Variants in KLF13 observed in about 807,000 individuals in gnomAD.
KLF13 encodes the protein KLF transcription factor 13, also known as Krueppel-like factor 13.
A neutral mutation model predicts 16.7 loss-of-function variants in KLF13; 8 were observed. The observed-to-expected ratio is 0.48, with a 90% CI of 0.28 to 0.87. The LOEUF (loss-of-function observed/expected upper bound fraction) is 0.87. KLF13 is among the 40% of genes least tolerant of loss of function. The probability of loss-of-function intolerance (pLI) is 0.10; values close to 1 mark genes in which losing one functional copy is unlikely to be tolerated. For synonymous variants in KLF13, 245 were observed against 208.4 expected (o/e 1.18, Z -1.51); for missense variants, 447 against 452.2 (o/e 0.99, Z 0.10).
In KLF13 at chr15:31,327,546, G is replaced by C. The variant is rs1316043214; in HGVS notation, c.334G>C (p.Gly112Arg). Residue 112 changes from glycine to arginine, a missense_variant, in exon 1 of 2, where the codon GGC becomes CGC. Transcript: ENST00000307145. ...CGAGCCCACCTCCCCCGGCGCCGAAGGCGCGGCGGCCGCGCCCCCCAGCCC... is the reference window on the plus strand; with the variant it reads ...CGAGCCCACCTCCCCCGGCGCCGAACGCGCGGCGGCCGCGCCCCCCAGCCC... ...APEPTSPGAE[G>R]AAAAPPSPAW... The C allele has an allele frequency of 1.3e-5, 14 of 1,110,222 alleles. No individual in the cohort carries two copies. Among genetic ancestry groups the C allele is most frequent in the Non-Finnish European group, 1.3e-5 (12 of 909,702 alleles). 68.8% of individuals were successfully genotyped at this position (1,110,222 alleles called of 1,614,324 possible).
At chr15:31,371,893 G>C in intron 1 of KLF13, 117 bp from the exon 2 acceptor site, 1 of 1,137,900 alleles carries the variant, frequency 8.8e-7, no homozygotes, top group Non-Finnish European at 1.2e-6. Context: ...CTTGGAGGTG[G>C]GGCATGTGGG....
intron 1 of KLF13, chr15:31,420,182 A>T (rs2040304621): frequency 1.8e-6 from 1 of 561,702 alleles, no homozygotes; most frequent in Non-Finnish European, 3.4e-6. Flanking sequence ...CACCCATAAA[A>T]GAGCCGAGCT....
chr15:31,328,657 ACCGCCCGCCC>A (rs2038767430), intron 1 of KLF13, among the ~76,000 whole-genome samples: 1 of 138,104 alleles, frequency 7.2e-6, no homozygotes, highest in Non-Finnish European at 1.6e-5. Flanking sequence ...CCTGGGGATC[ACCGCCCGCCC>A]CCGCCAGCCC....
chr15:31,413,290 G>T (rs2040219008), intron 1 of KLF13, among the ~76,000 whole-genome samples: 1 of 150,470 alleles, frequency 6.6e-6, no homozygotes, highest in South Asian at 2.1e-4. Context: ...AAGGAGAGGA[G>T]AGAAAGGAGA....
downstream of KLF13, among the ~76,000 whole-genome samples, chr15:31,408,366 C>T (rs1038771937): frequency 6.6e-6 from 1 of 152,176 alleles, no homozygotes; most frequent in African/African-American, 2.4e-5. Context: ...CCCTATCCCT[C>T]CCTTGTCCCT....
At chr15:31,371,514 T>C (rs1361036155) in intron 1 of KLF13, among the ~76,000 whole-genome samples, 1 of 152,236 alleles carries the variant, frequency 6.6e-6, no homozygotes, top group Non-Finnish European at 1.5e-5. Flanking sequence ...TGTGACAGAC[T>C]AGACTGAGGA....
chr15:31,327,728 G>T lies in KLF13; in HGVS notation c.516G>T (p.Ala172=). 1.3e-6 allele frequency: 2 copies of T among 1,537,106 alleles called. No homozygotes were observed. Among genetic ancestry groups the T allele is most frequent in the Admixed American group, 1.8e-5 (1 of 54,418 alleles). ...SPQRKHKCHY[A]GCEKVYGKSS... is the part of the protein sequence containing the mutation. ...AGAGGAAGCACAAGTGCCACTACGC[G>T]GGCTGCGAGAAAGTTTACGGGAAAT... The change falls in exon 1 of 2, where the codon GCG becomes GCT. Residue 172 remains alanine, a synonymous_variant. Coordinates refer to ENST00000307145, the MANE Select transcript of KLF13 (RefSeq NM_015995.4).
In KLF13 at chr15:31,383,927, AAT is replaced by A. The variant is rs1012357527; in HGVS notation, n.224-51441_224-51440del. Among the ~76,000 whole-genome samples the A allele has an allele frequency of 6.6e-5, 10 of 152,130 alleles. No homozygotes were observed. The East Asian group carries it at 9.7e-4, about 15-fold the overall frequency. ...AAAAAATAAATAAATAAATAAATAA[AAT>A]AAAATAAAAATATCAAGATGTTTCG... On this transcript the variant is annotated intron_variant and non_coding_transcript_variant, in intron 1 of 1. Transcript: ENST00000558921.
At chr15:31,420,616 C>T in intron 1 of KLF13, 1 of 421,754 alleles carries the variant, frequency 2.4e-6, no homozygotes, top group South Asian at 2.1e-5. Context: ...CAGCTTTTAC[C>T]TTCAAGAAAC....
intron 1 of KLF13, among the ~76,000 whole-genome samples, chr15:31,425,375 T>C (rs1462450778): frequency 6.6e-6 from 1 of 152,182 alleles, no homozygotes; most frequent in Non-Finnish European, 1.5e-5. Context: ...CACTTCCCAA[T>C]TCAAAATACT....
chr15:31,399,651 G>A (rs1203789232), intron 2 of KLF13, among the ~76,000 whole-genome samples: 1 of 152,358 alleles, frequency 6.6e-6, no homozygotes, highest in South Asian at 2.1e-4. Flanking sequence ...CCGCCTCGTG[G>A]CTGGGTGCGG....
intron 1 of KLF13, among the ~76,000 whole-genome samples, chr15:31,422,157 A>T (rs559875316): frequency 6.6e-6 from 1 of 151,980 alleles, no homozygotes; most frequent in Non-Finnish European, 1.5e-5. Flanking sequence ...AAGAAAAAAG[A>T]AATAGAGTGG....
At position 31,374,417 on chromosome 15, in the gene KLF13, C is replaced by G. The variant is rs781399534; in HGVS notation, c.*2118C>G. ...TCTGACCTCCCTGCTTGCATTGGGTCTGGGAGAGAGAGTGGAATATTTGGT... is the reference window on the plus strand; with the variant it reads ...TCTGACCTCCCTGCTTGCATTGGGTGTGGGAGAGAGAGTGGAATATTTGGT... On this transcript the variant is annotated 3_prime_UTR_variant, in exon 2 of 2. Transcript: ENST00000307145. 1 of 152,430 alleles carries G rather than the reference C, an allele frequency of 6.6e-6. No homozygotes were observed. Among genetic ancestry groups the G allele is most frequent in the Non-Finnish European group, 1.5e-5 (1 of 68,056 alleles). 9.4% of individuals were successfully genotyped at this position (152,430 alleles called of 1,614,324 possible).
intron 1 of KLF13, among the ~76,000 whole-genome samples, chr15:31,424,326 T>TA (rs2040377305): frequency 6.6e-6 from 1 of 152,004 alleles, no homozygotes; most frequent in Non-Finnish European, 1.5e-5. Context: ...CTCAACAAAA[T>TA]ACTAGCAAAC....
chr15:31,391,792 G>A (rs1027315572), upstream of KLF13, among the ~76,000 whole-genome samples: 2 of 152,124 alleles, frequency 1.3e-5, no homozygotes, highest in Non-Finnish European at 2.9e-5. Flanking sequence ...CGAGGAGTCC[G>A]CGGAGTTGGG....
intron 1 of KLF13, among the ~76,000 whole-genome samples, chr15:31,340,608 C>T (rs1165410174): frequency 1.3e-5 from 2 of 152,172 alleles, no homozygotes; most frequent in Non-Finnish European, 2.9e-5. Flanking sequence ...TAAGAAAAAA[C>T]TCGTGCTGGG....
intron 1 of KLF13, among the ~76,000 whole-genome samples, chr15:31,334,689 A>G (rs1020989867): frequency 3.3e-5 from 5 of 152,124 alleles, no homozygotes; most frequent in African/African-American, 7.2e-5. Context: ...CGGCCTCCCA[A>G]AGTGCTGGGA....
chr15:31,374,807 T>G lies in KLF13; in HGVS notation c.*2508T>G, dbSNP rs1209776594. ...GAAGGAAAAGATAGGACTCTAAACC[T>G]AGTCATCTTGGAATAAAAAGAAGAG... is the stretch of plus-strand genomic sequence containing the variant. On this transcript the variant is annotated 3_prime_UTR_variant, in exon 2 of 2. Coordinates refer to ENST00000307145, the MANE Select transcript of KLF13 (RefSeq NM_015995.4). 1.5e-5 allele frequency: 2 copies of G among 130,474 alleles called. No homozygotes were observed. The highest frequency in any genetic ancestry group is 5.9e-5 in the African/African-American group (2 of 33,650). The allele number at this position is 130,474 out of a possible 1,614,324, so 8.1% of individuals were successfully genotyped here. A position where few individuals can be genotyped will look rare whatever the true frequency, so the allele number is the denominator to read the frequency against.
At chr15:31,431,500 T>G (rs2040470946) in intron 1 of KLF13, among the ~76,000 whole-genome samples, 1 of 152,178 alleles carries the variant, frequency 6.6e-6, no homozygotes, top group Non-Finnish European at 1.5e-5. Flanking sequence ...AGTCTCCCTC[T>G]GTCGCCCAGG....
Sources: allele counts gnomAD v4.1 joint callset (sites outside exome capture counted in the v4.1 genomes callset), GRCh38; gene constraint gnomAD v4.1.1; transcripts MANE v1.5; gene names NCBI Gene and HGNC (gene_info 2026-07-23, HGNC 2026-07-21).